LINGO2: variants seen among roughly 807,000 people sequenced by gnomAD.
The protein encoded by LINGO2 is leucine-rich repeat and immunoglobulin-like domain-containing nogo receptor-interacting protein 2.
Under a neutral mutation model 30.6 loss-of-function variants are expected in LINGO2, and 14 were observed. The ratio of observed to expected loss-of-function variants is 0.46; its 90% CI spans 0.30 to 0.72. The LOEUF is 0.72. LINGO2 is among the 30% of genes least tolerant of loss of function. The pLI, the probability that LINGO2 is intolerant of heterozygous loss-of-function variation, is 0.07. For synonymous variants in LINGO2, 317 were observed against 288.5 expected, an observed-to-expected ratio of 1.10 and a Z score of -1.00; for missense variants, 729 against 751.7, an observed-to-expected ratio of 0.97 and a Z score of 0.35.
At chr9:29,211,878 G>A in the LINGO2 span, among the ~76,000 whole-genome samples, 1 of 152,118 alleles carries the variant, frequency 6.6e-6, no homozygotes, top group Non-Finnish European at 1.5e-5. Flanking sequence ...CCTTAAAGCA[G>A]CCAAATATTC....
intron 1 of LINGO2, among the ~76,000 whole-genome samples, chr9:28,641,196 G>A (rs1229963460): frequency 6.6e-6 from 1 of 151,982 alleles, no homozygotes; most frequent in Non-Finnish European, 1.5e-5. Flanking sequence ...ACCACGCTCG[G>A]CTAATTTTGT....
the LINGO2 span, among the ~76,000 whole-genome samples, chr9:28,945,566 T>C: frequency 1.3e-5 from 2 of 152,160 alleles, no homozygotes; most frequent in Non-Finnish European, 2.9e-5. Flanking sequence ...ATCTTCAAGG[T>C]GAAAAAATGG....
intron 3 of LINGO2, among the ~76,000 whole-genome samples, chr9:28,336,509 C>G (rs964315643): frequency 3.3e-5 from 5 of 152,060 alleles, no homozygotes; most frequent in African/African-American, 1.2e-4. Context: ...TAAAGACTTT[C>G]TATACATCCT....
At chr9:28,581,448 A>AT (rs1159903984) in intron 1 of LINGO2, among the ~76,000 whole-genome samples, 1 of 151,524 alleles carries the variant, frequency 6.6e-6, no homozygotes, top group African/African-American at 2.4e-5. Context: ...TGATGATTTG[A>AT]TTTTTTTAAA....
chr9:28,071,175 C>T (rs1390791371), intron 4 of LINGO2, among the ~76,000 whole-genome samples: 2 of 152,162 alleles, frequency 1.3e-5, no homozygotes, highest in African/African-American at 2.4e-5. Flanking sequence ...CAGGCAAATT[C>T]AGCAGTTTAC....
chr9:29,079,067 C>T, the LINGO2 span, among the ~76,000 whole-genome samples: 1 of 151,900 alleles, frequency 6.6e-6, no homozygotes, highest in Non-Finnish European at 1.5e-5. Flanking sequence ...TGACTTTCAT[C>T]ATCCAACTAA....
chr9:28,681,477 T>C, the LINGO2 span, among the ~76,000 whole-genome samples: 16,788 of 151,988 alleles, frequency 0.11, 1,067 homozygotes, highest in African/African-American at 0.16. Flanking sequence ...GCTTTAGATC[T>C]TTTATAGAAT....
chr9:28,376,280 A>AGAAGC (rs1216094398), intron 2 of LINGO2, among the ~76,000 whole-genome samples: 1 of 150,700 alleles, frequency 6.6e-6, no homozygotes, highest in Admixed American at 6.6e-5. Flanking sequence ...AGAAGAGAAG[A>AGAAGC]GAAGCGAAGC....
chr9:28,522,754 G>A (rs987076421), intron 1 of LINGO2, among the ~76,000 whole-genome samples: 9 of 152,014 alleles, frequency 5.9e-5, no homozygotes, highest in Admixed American at 2.0e-4. Context: ...CAGAGCATTC[G>A]AAATTTGTAA....
At chr9:28,518,559 T>C (rs1252795406) in intron 1 of LINGO2, among the ~76,000 whole-genome samples, 1 of 152,198 alleles carries the variant, frequency 6.6e-6, no homozygotes, top group Non-Finnish European at 1.5e-5. Context: ...ATGTGAAAGA[T>C]GCTCCTTGAA....
chr9:29,188,789 G>A, the LINGO2 span, among the ~76,000 whole-genome samples: 4 of 142,682 alleles, frequency 2.8e-5, no homozygotes, highest in Admixed American at 6.9e-5. Context: ...GGGCAGAGGC[G>A]CCCCTCACCT....
At chr9:28,823,500 C>T in the LINGO2 span, among the ~76,000 whole-genome samples, 2 of 152,138 alleles carry the variant, frequency 1.3e-5, no homozygotes, top group Admixed American at 6.6e-5. Flanking sequence ...CCTGGGTTGG[C>T]CTTTGTGACT....
rs570316916 is a variant in LINGO2 at position 27,972,481 on chromosome 9, A to C, written c.-35-21775T>G. On this transcript the variant is annotated intron_variant, in intron 5 of 5. Transcript: ENST00000379992. ...AAGCCCTCCTAAAAATCCTCCAACA[A>C]CCTCAGTCCGTCATGAACAAGTCAC... is the stretch of plus-strand genomic sequence containing the variant. Among the ~76,000 whole-genome samples, 11 of 152,104 alleles carry C rather than the reference A, an allele frequency of 7.2e-5. No individual in the cohort carries two copies. The East Asian group carries it at 2.1e-3, about 29-fold the overall frequency.
chr9:28,187,648 C>T (rs1337609338), intron 4 of LINGO2, among the ~76,000 whole-genome samples: 2 of 152,050 alleles, frequency 1.3e-5, no homozygotes, highest in Non-Finnish European at 2.9e-5. Context: ...TTTAGGTTTG[C>T]AATGCTTATT....
the LINGO2 span, among the ~76,000 whole-genome samples, chr9:28,927,690 C>T: frequency 6.6e-6 from 1 of 152,174 alleles, no homozygotes; most frequent in Admixed American, 6.5e-5. Context: ...CTTATCTCAT[C>T]TATTGAATAT....
At chr9:28,713,242 AATG>A in the LINGO2 span, among the ~76,000 whole-genome samples, 3 of 151,818 alleles carry the variant, frequency 2.0e-5, no homozygotes, top group Non-Finnish European at 2.9e-5. Context: ...TGAAAGCCTC[AATG>A]ATGACATTTC....
chr9:28,742,118 T>C, the LINGO2 span, among the ~76,000 whole-genome samples: 1 of 152,036 alleles, frequency 6.6e-6, no homozygotes. Context: ...TATGTTTTAC[T>C]ATGGTGAACC....
chr9:28,894,067 C>T, the LINGO2 span, among the ~76,000 whole-genome samples: 3 of 152,088 alleles, frequency 2.0e-5, no homozygotes, highest in Non-Finnish European at 4.4e-5. Context: ...CATGTCCCTA[C>T]AAAGGACATG....
At chr9:28,649,470 C>A (rs1415778356) in intron 1 of LINGO2, among the ~76,000 whole-genome samples, 1 of 152,040 alleles carries the variant, frequency 6.6e-6, no homozygotes, top group Non-Finnish European at 1.5e-5. Flanking sequence ...TGTGGCAGAA[C>A]CTGAAACTTA....
Sources: allele counts gnomAD v4.1 joint callset (sites outside exome capture counted in the v4.1 genomes callset), GRCh38; gene constraint gnomAD v4.1.1; transcripts MANE v1.5; gene names NCBI Gene and HGNC (gene_info 2026-07-23, HGNC 2026-07-21).